Variants in CEMIP observed in about 807,000 individuals in gnomAD.
CEMIP encodes the protein cell migration inducing hyaluronidase 1, also known as cell migration-inducing and hyaluronan-binding protein.
Under a neutral mutation model 156.9 loss-of-function variants are expected in CEMIP, and 105 were observed. That is an observed-to-expected ratio of 0.67 (90% CI 0.57 to 0.79). The LOEUF (loss-of-function observed/expected upper bound fraction) is 0.79. Among genes scored for constraint, CEMIP ranks in the 30% least tolerant of loss-of-function variants. The pLI, the probability that CEMIP is intolerant of heterozygous loss-of-function variation, is 0.00. For synonymous variants in CEMIP, 676 were observed against 668.4 expected (o/e 1.01, Z -0.17); for missense variants, 1,457 against 1,769.4 (o/e 0.82, Z 3.17).
At chr15:80,841,692 G>A (rs1043181742) in intron 1 of CEMIP, among the ~76,000 whole-genome samples, 8 of 152,112 alleles carry the variant, frequency 5.3e-5, no homozygotes, top group African/African-American at 9.7e-5. Flanking sequence ...GGTAGCTGCC[G>A]GAGCCCTCCC....
At chr15:80,923,537 C>T (rs905134374) in intron 17 of CEMIP, among the ~76,000 whole-genome samples, 1 of 152,216 alleles carries the variant, frequency 6.6e-6, no homozygotes, top group South Asian at 2.1e-4. Flanking sequence ...TTCTAACAAG[C>T]AGGCATGCAA....
At chr15:80,803,666 G>GA (rs1896437527) in intron 1 of CEMIP, among the ~76,000 whole-genome samples, 1 of 151,978 alleles carries the variant, frequency 6.6e-6, no homozygotes, top group Non-Finnish European at 1.5e-5. Context: ...ATCTAGCTGA[G>GA]AAAAAAAGGG....
chr15:80,810,526 G>C (rs1896639183), intron 1 of CEMIP, among the ~76,000 whole-genome samples: 1 of 152,036 alleles, frequency 6.6e-6, no homozygotes, highest in South Asian at 2.1e-4. Flanking sequence ...CTCCACTGCG[G>C]CCAGCTAATT....
At chr15:80,921,772 A>G (rs1362644734) in intron 16 of CEMIP, among the ~76,000 whole-genome samples, 13 of 152,252 alleles carry the variant, frequency 8.5e-5, no homozygotes, top group African/African-American at 2.9e-4. Context: ...TTTCTGAGCC[A>G]TGTCTGATAG....
In CEMIP at chr15:80,909,229, C is replaced by T. The variant is rs1439034283; in HGVS notation, c.1720C>T (p.Pro574Ser). 2 of 1,614,006 alleles carry T rather than the reference C, an allele frequency of 1.2e-6. No individual in the cohort carries two copies. The highest frequency in any genetic ancestry group is 1.7e-5 in the Admixed American group (1 of 59,996). ...DVDERGGYDP[P>S]TYIRDLSIHH... is the part of the protein sequence containing the mutation. ...AGACGAAAGGGGAGGTTATGACCCA[C>T]CCACATACATCAGGGACCTCTCCAT... The change falls in exon 14 of 30, where the codon CCC becomes TCC. Residue 574 changes from proline (P) to serine (S), a missense_variant. Physicochemically the swap from Pro to Ser is moderately conservative, Grantham distance 74 (BLOSUM62 -1). This residue lies in a region of CEMIP where 53 missense variants were observed against 104.5 expected (regional missense o/e 0.51). Transcript: ENST00000394685.
intron 13 of CEMIP, among the ~76,000 whole-genome samples, chr15:80,908,543 G>A (rs187548513): frequency 1.1e-4 from 17 of 152,260 alleles, no homozygotes; most frequent in Admixed American, 2.6e-4. Context: ...TATGCATATC[G>A]TGAAGTGAGT....
intron 14 of CEMIP, among the ~76,000 whole-genome samples, chr15:80,911,946 G>A (rs1434947789): frequency 1.6e-5 from 2 of 121,256 alleles, no homozygotes; most frequent in Admixed American, 8.1e-5. Context: ...GCTGACAGAG[G>A]CTGGGATTGC....
intron 12 of CEMIP, among the ~76,000 whole-genome samples, chr15:80,904,730 A>T (rs1200723371): frequency 6.6e-6 from 1 of 152,188 alleles, no homozygotes; most frequent in African/African-American, 2.4e-5. Flanking sequence ...AAGGGCAAGG[A>T]ACAGATTCTC....
At chr15:80,852,574 C>CATCA (rs939586661) in intron 1 of CEMIP, among the ~76,000 whole-genome samples, 1 of 152,172 alleles carries the variant, frequency 6.6e-6, no homozygotes, top group Non-Finnish European at 1.5e-5. Flanking sequence ...TTTCCTCTGC[C>CATCA]ATCATCTTCT....
At chr15:80,924,541 A>T in intron 17 of CEMIP, 80 bp from the exon 18 acceptor site, 1 of 1,212,520 alleles carries the variant, frequency 8.2e-7, no homozygotes, top group East Asian at 2.4e-5. Flanking sequence ...ATTCAGAAGT[A>T]TGCAGTGAGG....
chr15:80,907,772 T>C (rs1899871126), intron 13 of CEMIP, among the ~76,000 whole-genome samples: 1 of 152,244 alleles, frequency 6.6e-6, no homozygotes, highest in African/African-American at 2.4e-5. Flanking sequence ...AAAGTGCCTT[T>C]TCCAGGCATA....
At chr15:80,874,453 C>A (rs1293006074) in intron 3 of CEMIP, among the ~76,000 whole-genome samples, 1 of 149,192 alleles carries the variant, frequency 6.7e-6, no homozygotes. Context: ...ATGTAAAAAC[C>A]ACTCTAATAG....
intron 1 of CEMIP, among the ~76,000 whole-genome samples, chr15:80,834,872 G>C (rs1022446314): frequency 1.1e-4 from 17 of 152,016 alleles, no homozygotes; most frequent in Non-Finnish European, 1.6e-4. Flanking sequence ...ACAATATTGA[G>C]TCTTCCAATT....
At chr15:80,879,474 A>G (rs1447777698) in intron 4 of CEMIP, among the ~76,000 whole-genome samples, 1 of 152,236 alleles carries the variant, frequency 6.6e-6, no homozygotes, top group Admixed American at 6.5e-5. Flanking sequence ...ATACTATGCC[A>G]TTTAATCAGC....
intron 1 of CEMIP, among the ~76,000 whole-genome samples, chr15:80,815,857 C>G (rs1186705689): frequency 6.6e-6 from 1 of 152,150 alleles, no homozygotes; most frequent in Non-Finnish European, 1.5e-5. Flanking sequence ...TTCTTTATTT[C>G]TATTTATAAT....
At chr15:80,788,701 G>A (rs1399861182) in intron 1 of CEMIP, among the ~76,000 whole-genome samples, 1 of 151,824 alleles carries the variant, frequency 6.6e-6, no homozygotes, top group Non-Finnish European at 1.5e-5. Flanking sequence ...ATTTTCAGAG[G>A]CGTTTAATCC....
intron 23 of CEMIP, among the ~76,000 whole-genome samples, chr15:80,935,006 AC>A (rs1901064583): frequency 6.6e-6 from 1 of 152,008 alleles, no homozygotes; most frequent in South Asian, 2.1e-4. Context: ...AGTGTTGAAA[AC>A]CCAGTGGAGA....
intron 14 of CEMIP, among the ~76,000 whole-genome samples, chr15:80,913,264 T>C (rs1340444204): frequency 6.6e-6 from 1 of 152,244 alleles, no homozygotes; most frequent in African/African-American, 2.4e-5. Context: ...CTGAAATTCC[T>C]CCAACTCCTG....
intron 21 of CEMIP, 117 bp downstream of exon 21, chr15:80,929,291 C>A: frequency 1.6e-6 from 2 of 1,273,616 alleles, no homozygotes; most frequent in Non-Finnish European, 2.3e-6. Context: ...TTCTACCAGC[C>A]AGAGGAATCA....
Sources: gnomAD v4.1 joint callset for allele counts (sites outside exome capture counted in the v4.1 genomes callset) on GRCh38, gnomAD v4.1.1 for gene constraint, gnomAD v4.1.1 regional missense constraint, MANE v1.5 for transcripts, NCBI Gene and HGNC (gene_info 2026-07-23, HGNC 2026-07-21) for gene names.